KREMEN1: variants seen among roughly 807,000 people sequenced by gnomAD.
The protein encoded by KREMEN1 is kremen protein 1.
KREMEN1 carries 30 observed loss-of-function variants against 46.5 expected under a neutral mutation model. The ratio of observed to expected loss-of-function variants is 0.65; its 90% CI spans 0.48 to 0.88. The LOEUF is 0.88. Ranked by LOEUF, KREMEN1 falls within the 40% of genes least tolerant of loss-of-function variation. The pLI is 0.00. For missense variants in KREMEN1, 533 were observed against 596.9 expected (o/e 0.89, Z 1.11); for synonymous variants, 214 against 230.6 (o/e 0.93, Z 0.65).
At chr22:29,106,387 AT>A (rs139062787) in intron 3 of KREMEN1, among the ~76,000 whole-genome samples, 7,235 of 140,428 alleles carry the variant, frequency 0.052, 365 homozygotes, top group South Asian at 0.19. Flanking sequence ...CGCCCAGCTA[AT>A]TTTTTTTTTT....
chr22:29,142,054 A>G lies in KREMEN1; in HGVS notation c.1319A>G (p.Lys440Arg). 6.2e-7 allele frequency: 1 copy of G among 1,613,134 alleles called. No homozygotes were observed. Among genetic ancestry groups the G allele is most frequent in the African/African-American group, 1.3e-5 (1 of 74,996 alleles). ...CCTTCCACTTCAATTTCCATCTTTAAGAAGAAACTCAAGGGTCAGAGTCAA... is the reference window on the plus strand; with the variant it reads ...CCTTCCACTTCAATTTCCATCTTTAGGAAGAAACTCAAGGGTCAGAGTCAA... ...YKPSTSISIF[K>R]KKLKGQSQQD... Residue 440 changes from lysine to arginine, a missense_variant, in exon 9 of 9, where the codon AAG becomes AGG. Transcript: ENST00000400335.
At chr22:29,118,896 G>A (rs1381427886) in intron 3 of KREMEN1, among the ~76,000 whole-genome samples, 1 of 152,110 alleles carries the variant, frequency 6.6e-6, no homozygotes, top group African/African-American at 2.4e-5. Context: ...ACCTAACTCA[G>A]TCCCACAAGA....
At position 29,146,654 on chromosome 22, in the gene KREMEN1, T is replaced by C. The variant is rs985784165; in HGVS notation, c.*4542T>C. ...CTTTGAGAATAAAATAGAAACATCA[T>C]GTATTTTAAAATATAAGATGAAGTG... On this transcript the variant is annotated 3_prime_UTR_variant, in exon 9 of 9. Transcript: ENST00000400335. The C allele has an allele frequency of 2.8e-5, 27 of 960,850 alleles. No individual in the cohort carries two copies. The highest frequency in any genetic ancestry group is 3.2e-5 in the Non-Finnish European group (26 of 807,386). The allele number at this position is 960,850 out of a possible 1,614,324, so 59.5% of individuals were successfully genotyped here. A position where few individuals can be genotyped will look rare whatever the true frequency, so the allele number is the denominator to read the frequency against.
chr22:29,080,452 T>C (rs2037635855), intron 1 of KREMEN1, among the ~76,000 whole-genome samples: 1 of 127,904 alleles, frequency 7.8e-6, no homozygotes, highest in South Asian at 2.6e-4. Context: ...TGCGATGCCC[T>C]GCTTGCTGTG....
At chr22:29,137,115 C>T (rs1296314648) in intron 5 of KREMEN1, among the ~76,000 whole-genome samples, 1 of 152,226 alleles carries the variant, frequency 6.6e-6, no homozygotes, top group Non-Finnish European at 1.5e-5. Context: ...ACCTAGGCCA[C>T]ACCACTGTGC....
intron 8 of KREMEN1, 60 bp downstream of exon 8, chr22:29,140,426 A>G (rs2038744074): frequency 8.2e-6 from 10 of 1,214,438 alleles, no homozygotes; most frequent in South Asian, 7.3e-5. Flanking sequence ...TTCATTTTCT[A>G]TGATGCTTCA....
chr22:29,117,567 C>CA (rs35241450), intron 3 of KREMEN1, among the ~76,000 whole-genome samples: 2,176 of 135,894 alleles, frequency 0.016, 15 homozygotes, highest in Non-Finnish European at 0.019. Context: ...ACTCCGTCTC[C>CA]AAAAAAAAAA....
At position 29,131,628 on chromosome 22, in the gene KREMEN1, A is replaced by G. The variant is rs2038546693; in HGVS notation, c.632-5714A>G. On this transcript the variant is annotated intron_variant, in intron 5 of 8. Transcript: ENST00000400335. ...TATATGTGTGTATATATATGTATAT[A>G]TGTATATATATGTGTGTATATATAT... 1.5e-5 allele frequency among the ~76,000 whole-genome samples: 2 copies of G among 133,738 alleles called. 1 individual carries two copies. The highest frequency in any genetic ancestry group is 6.2e-5 in the African/African-American group (2 of 32,480). 87.7% of individuals were successfully genotyped at this position (133,738 alleles called of 152,430 possible). A position where few individuals can be genotyped will look rare whatever the true frequency, so the allele number is the denominator to read the frequency against.
chr22:29,136,356 G>A (rs1053212562), intron 5 of KREMEN1, among the ~76,000 whole-genome samples: 1 of 151,698 alleles, frequency 6.6e-6, no homozygotes, highest in African/African-American at 2.4e-5. Flanking sequence ...GGTGGATCAC[G>A]AGGTCAGGAG....
At chr22:29,150,228 G>A (rs577428055), downstream of KREMEN1, among the ~76,000 whole-genome samples, 11 of 152,318 alleles carry the variant, frequency 7.2e-5, 1 homozygote, top group South Asian at 8.3e-4. Flanking sequence ...TGGTGGGGGG[G>A]GGGGCAGTGC....
rs6006027 is a variant in KREMEN1 at position 29,142,953 on chromosome 22, C to A, written c.*841C>A. ...TCACCTGAGGTCAGGAGTTCGAGACCAGCCTGGCCAACATGGTGAAACCCC... is the reference window on the plus strand; with the variant it reads ...TCACCTGAGGTCAGGAGTTCGAGACAAGCCTGGCCAACATGGTGAAACCCC... On this transcript the variant is annotated 3_prime_UTR_variant, in exon 9 of 9. Transcript: ENST00000400335. 3,431 of 734,282 alleles carry A rather than the reference C, an allele frequency of 4.7e-3. 88 individuals are homozygous for A. In the African/African-American group the frequency reaches 0.058, roughly 12 times the overall value. The allele number at this position is 734,282 out of a possible 1,614,324, so 45.5% of individuals were successfully genotyped here.
rs2038686857 is a variant in KREMEN1 at position 29,137,539 on chromosome 22, ACC to A, written c.831_832del (p.His278ProfsTer30). 8 of 1,612,944 alleles carry A rather than the reference ACC, an allele frequency of 5.0e-6. No individual in the cohort carries two copies. The highest frequency in any genetic ancestry group is 6.8e-6 in the Non-Finnish European group (8 of 1,179,272). On this transcript the variant is annotated frameshift_variant, in exon 6 of 9. Coordinates refer to ENST00000400335, the MANE Select transcript of KREMEN1 (RefSeq NM_001039570.3). LOFTEE classifies it high-confidence loss of function. ...ADMVELLDGYTHRVLARFHGR... is the reference protein window; with the variant it reads ...ADMVELLDGYXHRVLARFHGR... ...CATGGTGGAGCTTCTGGATGGCTAC[ACC>A]CACCGTGTCCTAGCCCGCTTCCACG...
chr22:29,081,345 A>G (rs2037652116), intron 1 of KREMEN1, among the ~76,000 whole-genome samples: 1 of 152,196 alleles, frequency 6.6e-6, no homozygotes, highest in Non-Finnish European at 1.5e-5. Context: ...TACAATTGTC[A>G]GATACATTAC....
Position 29,143,931 on chromosome 22 carries a change from C to G in KREMEN1, c.*1819C>G, listed in dbSNP as rs1031466632. On this transcript the variant is annotated 3_prime_UTR_variant, in exon 9 of 9. Transcript: ENST00000400335. The stretch of plus-strand genomic sequence containing the variant: ...AAGAGGGTGGGTTTGGGAATTGGAG[C>G]TCCTCCAAGGAGCTCCTCCTAAGAT... 2.0e-6 allele frequency: 2 copies of G among 985,226 alleles called. No individual in the cohort carries two copies. The allele number at this position is 985,226 out of a possible 1,614,324, so 61.0% of individuals were successfully genotyped here. A position where few individuals can be genotyped will look rare whatever the true frequency, so the allele number is the denominator to read the frequency against.
downstream of KREMEN1, among the ~76,000 whole-genome samples, chr22:29,147,252 C>A (rs918998877): frequency 6.6e-6 from 1 of 152,170 alleles, no homozygotes; most frequent in Non-Finnish European, 1.5e-5. Flanking sequence ...TAATTATTAT[C>A]CCAGGTGGAA....
chr22:29,150,479 G>A (rs1170244591), downstream of KREMEN1, among the ~76,000 whole-genome samples: 1 of 152,236 alleles, frequency 6.6e-6, no homozygotes, highest in Non-Finnish European at 1.5e-5. Context: ...AAACAGCCAG[G>A]GCTTTCGCAA....
rs1024628730 is a variant in KREMEN1 at position 29,092,650 on chromosome 22, A to G, written c.98-1608A>G. On this transcript the variant is annotated intron_variant, in intron 1 of 8. Coordinates refer to ENST00000400335, the MANE Select transcript of KREMEN1 (RefSeq NM_001039570.3). ...TGGTACACGAAGAGTTGCACTTATC[A>G]TAACACATGAGCATTGCACCAAACA... Among the ~76,000 whole-genome samples, 76 of 152,356 alleles carry G rather than the reference A, an allele frequency of 5.0e-4. 3 individuals carry two copies. The highest frequency in any genetic ancestry group is 4.1e-4 in the South Asian group (2 of 4,830).
chr22:29,164,701 G>C (rs573024432), intron 9 of KREMEN1, among the ~76,000 whole-genome samples: 2 of 141,068 alleles, frequency 1.4e-5, no homozygotes, highest in African/African-American at 5.3e-5. Flanking sequence ...AGCCAAGATC[G>C]TGCCACTGCA....
intron 5 of KREMEN1, among the ~76,000 whole-genome samples, chr22:29,135,285 A>G (rs1406442338): frequency 6.6e-6 from 1 of 152,172 alleles, no homozygotes; most frequent in Non-Finnish European, 1.5e-5. Flanking sequence ...GGGAATTTCA[A>G]GGAGGCTGAA....
Sources: gnomAD v4.1 joint callset for allele counts (sites outside exome capture counted in the v4.1 genomes callset) on GRCh38, gnomAD v4.1.1 for gene constraint, MANE v1.5 for transcripts, NCBI Gene and HGNC (gene_info 2026-07-23, HGNC 2026-07-21) for gene names.